TMEM131L: variants seen among roughly 807,000 people sequenced by gnomAD.
TMEM131L encodes transmembrane 131 like, also known as transmembrane protein 131-like.
TMEM131L carries 54 observed loss-of-function variants against 192.2 expected under a neutral mutation model. The observed-to-expected ratio is 0.28, with a 90% confidence interval of 0.23 to 0.35. The LOEUF (loss-of-function observed/expected upper bound fraction) is 0.35. Among genes scored for constraint, TMEM131L ranks in the 10% least tolerant of loss-of-function variants. TMEM131L has a pLI of 1.00. For missense variants in TMEM131L, 1,888 were observed against 1,972.9 expected, an observed-to-expected ratio of 0.96 and a Z score of 0.82; for synonymous variants, 701 against 704.9, an observed-to-expected ratio of 0.99 and a Z score of 0.09.
intron 3 of TMEM131L, 147 bp downstream of exon 3, chr4:153,474,035 C>T: frequency 3.8e-6 from 2 of 525,382 alleles, no homozygotes; most frequent in Non-Finnish European, 6.7e-6. Context: ...GTATCTATAC[C>T]TTCTAATACA....
At chr4:153,566,196 C>A (rs927095560) in intron 7 of TMEM131L, among the ~76,000 whole-genome samples, 2 of 151,070 alleles carry the variant, frequency 1.3e-5, no homozygotes, top group African/African-American at 4.9e-5. Flanking sequence ...AGTGCAGTGG[C>A]GCAATCTCGG....
chr4:153,557,519 T>A (rs1357917100), intron 6 of TMEM131L, among the ~76,000 whole-genome samples: 2 of 152,178 alleles, frequency 1.3e-5, no homozygotes, highest in Non-Finnish European at 2.9e-5. Flanking sequence ...GGAGGCTGGT[T>A]CCAAGGGAGC....
intron 9 of TMEM131L, among the ~76,000 whole-genome samples, chr4:153,582,277 CT>C (rs1020487499): frequency 6.6e-6 from 1 of 151,734 alleles, no homozygotes; most frequent in African/African-American, 2.4e-5. Flanking sequence ...CAGGATTTTG[CT>C]GTGTAGCCCA....
chr4:153,602,115 T>C, intron 21 of TMEM131L, 37 bp from the exon 22 acceptor site: 1 of 1,185,612 alleles, frequency 8.4e-7, no homozygotes, highest in Non-Finnish European at 1.2e-6. Flanking sequence ...ATTTTATAGT[T>C]CACATATACT....
chr4:153,469,929 AAAACAAAC>A (rs137897297), intron 2 of TMEM131L, among the ~76,000 whole-genome samples: 23 of 151,108 alleles, frequency 1.5e-4, no homozygotes, highest in East Asian at 7.8e-4. Context: ...TTTGTCTCAA[AAAACAAAC>A]AAACAAACAA....
At position 153,593,881 on chromosome 4, in the gene TMEM131L, T is replaced by C; in HGVS notation, c.1995+10T>C. 6.3e-7 allele frequency: 1 copy of C among 1,592,358 alleles called. No homozygotes were observed. The highest frequency in any genetic ancestry group is 8.6e-7 in the Non-Finnish European group (1 of 1,160,260). On this transcript the variant is annotated intron_variant, in intron 19 of 34. Transcript: ENST00000409959. ...AGCTTGCCCTTACCTGGTAGGATGT[T>C]ATCCTAAAACAGAAAAAAGAATGCC...
At chr4:153,557,891 G>A (rs971799779) in intron 6 of TMEM131L, among the ~76,000 whole-genome samples, 3 of 152,140 alleles carry the variant, frequency 2.0e-5, no homozygotes, top group African/African-American at 7.2e-5. Flanking sequence ...CCACCTCCCA[G>A]GCACAAGCGA....
At chr4:153,544,034 C>CAGAGGGGGTTTGTGA in intron 3 of TMEM131L, among the ~76,000 whole-genome samples, 1 of 152,212 alleles carries the variant, frequency 6.6e-6, no homozygotes, top group African/African-American at 2.4e-5. Context: ...TTCCTCTTGT[C>CAGAGGGGGTTTGTGA]CATGCAACCT....
At chr4:153,553,737 C>G (rs1488552989) in intron 4 of TMEM131L, among the ~76,000 whole-genome samples, 1 of 152,120 alleles carries the variant, frequency 6.6e-6, no homozygotes, top group East Asian at 1.9e-4. Flanking sequence ...CTTCTGCCTA[C>G]TTCTTAGGGC....
chr4:153,507,623 C>T (rs1436249830), intron 3 of TMEM131L, among the ~76,000 whole-genome samples: 1 of 152,192 alleles, frequency 6.6e-6, no homozygotes, highest in African/African-American at 2.4e-5. Flanking sequence ...TACCCAGATT[C>T]TCTTGCTGTT....
intron 17 of TMEM131L, 95 bp downstream of exon 17, chr4:153,591,289 C>G (rs1731050089): frequency 2.5e-6 from 3 of 1,214,402 alleles, no homozygotes; most frequent in Non-Finnish European, 3.3e-6. Flanking sequence ...GCTACCATTT[C>G]AAAGCCAAAA....
At chr4:153,476,115 C>A (rs555577649) in intron 3 of TMEM131L, among the ~76,000 whole-genome samples, 16 of 152,152 alleles carry the variant, frequency 1.1e-4, no homozygotes, top group African/African-American at 3.6e-4. Context: ...CACACAATCA[C>A]GCCCGGCTAA....
At chr4:153,475,450 T>TA (rs562312443) in intron 3 of TMEM131L, among the ~76,000 whole-genome samples, 4 of 152,232 alleles carry the variant, frequency 2.6e-5, no homozygotes, top group Non-Finnish European at 5.9e-5. Flanking sequence ...ATTAAGTTGA[T>TA]AAAAAACCTG....
chr4:153,626,751 C>T (rs1365131711), intron 30 of TMEM131L, among the ~76,000 whole-genome samples: 3 of 152,104 alleles, frequency 2.0e-5, no homozygotes, highest in Non-Finnish European at 2.9e-5. Context: ...GGTAACAGAG[C>T]GAGATCCTGT....
intron 26 of TMEM131L, among the ~76,000 whole-genome samples, chr4:153,615,889 A>C (rs1732943361): frequency 1.3e-5 from 2 of 152,158 alleles, no homozygotes; most frequent in South Asian, 4.1e-4. Context: ...CCCAGTACTG[A>C]AGTCTTCCTG....
chr4:153,602,784 G>A (rs1731937057), intron 23 of TMEM131L, 57 bp downstream of exon 23: 11 of 1,532,244 alleles, frequency 7.2e-6, no homozygotes, highest in Middle Eastern at 1.8e-4. Flanking sequence ...ATCCAGGCAA[G>A]TTGTGTGAAA....
chr4:153,494,958 G>A (rs1733062672), intron 3 of TMEM131L, among the ~76,000 whole-genome samples: 1 of 152,132 alleles, frequency 6.6e-6, no homozygotes, highest in Non-Finnish European at 1.5e-5. Context: ...TCTGGGGAGG[G>A]GCAGTAGCTA....
chr4:153,554,303 TAAG>T (rs899435086), intron 4 of TMEM131L: 1 of 152,236 alleles, frequency 6.6e-6, no homozygotes, highest in Non-Finnish European at 1.5e-5. Flanking sequence ...TGGTATTACT[TAAG>T]AACACTTTGA....
chr4:153,522,539 A>G (rs1156430366), intron 3 of TMEM131L, among the ~76,000 whole-genome samples: 1 of 152,046 alleles, frequency 6.6e-6, no homozygotes, highest in Non-Finnish European at 1.5e-5. Context: ...CCCCTGCCTC[A>G]TGCTATTTCT....
Sources: gnomAD v4.1 joint callset for allele counts (sites outside exome capture counted in the v4.1 genomes callset) on GRCh38, gnomAD v4.1.1 for gene constraint, MANE v1.5 for transcripts, NCBI Gene and HGNC (gene_info 2026-07-23, HGNC 2026-07-21) for gene names.